The following NUBP2 variants were observed in gnomAD, a reference collection of about 807,000 sequenced individuals.
The protein encoded by NUBP2 is cytosolic Fe-S cluster assembly factor NUBP2.
A neutral mutation model predicts 24.9 loss-of-function variants in NUBP2; 23 were observed. The observed-to-expected ratio is 0.92, with a 90% CI of 0.66 to 1.31. NUBP2 has a LOEUF of 1.31. Among genes scored for constraint, NUBP2 ranks in the 50% most tolerant of loss-of-function variants. The pLI is 0.00. For synonymous variants in NUBP2, 186 were observed against 170.9 expected, an observed-to-expected ratio of 1.09 and a Z score of -0.69; for missense variants, 403 against 386.5, an observed-to-expected ratio of 1.04 and a Z score of -0.36.
At chr16:1,788,432 C>G (rs937890030) in intron 6 of NUBP2, 137 bp from the exon 7 acceptor site, 88 of 1,324,100 alleles carry the variant, frequency 6.6e-5, no homozygotes, top group Admixed American at 8.7e-5. Context: ...GGGAGGGCCG[C>G]GGGTCTGGAG....
intron 1 of NUBP2, chr16:1,786,205 G>C (rs541114162): frequency 2.2e-4 from 81 of 374,922 alleles, no homozygotes; most frequent in African/African-American, 1.5e-3. Context: ...ATGATCATGT[G>C]ACCCACGTGT....
intron 1 of NUBP2, chr16:1,785,704 C>T (rs1362041446): frequency 9.3e-6 from 12 of 1,288,950 alleles, no homozygotes; most frequent in African/African-American, 1.5e-5. Flanking sequence ...CTCTGTAGGT[C>T]TGAGGACCCG....
rs1200157798 is a variant in NUBP2, at chr16:1,788,047, G to A, written c.596G>A (p.Cys199Tyr). The A allele has an allele frequency of 5.7e-6, 9 of 1,589,948 alleles. No homozygotes were observed. Among genetic ancestry groups the A allele is most frequent in the Non-Finnish European group, 7.7e-6 (9 of 1,170,870 alleles). Residue 199 changes from cysteine to tyrosine, a missense_variant, in exon 5 of 7, where the codon TGC becomes TAC. Physicochemically the swap from Cys to Tyr is radical, Grantham distance 194 (BLOSUM62 -2). Coordinates refer to ENST00000262302, the MANE Select transcript of NUBP2 (RefSeq NM_012225.4). ...ENMSGFTCPH[C>Y]TECTSVFSRG... Reference sequence around the variant, plus strand: ...ATGAGCGGCTTCACCTGCCCACACTGCACGGTGAGTCCCGGGGGTTGCAGA... The same window carrying A: ...ATGAGCGGCTTCACCTGCCCACACTACACGGTGAGTCCCGGGGGTTGCAGA...
intron 1 of NUBP2, chr16:1,785,586 T>A: frequency 8.0e-7 from 1 of 1,252,542 alleles, no homozygotes; most frequent in Non-Finnish European, 1.0e-6. Flanking sequence ...GAACCCCTTT[T>A]ATTGCCCCAG....
rs377685211 is a variant in NUBP2 at position 1,786,154 on chromosome 16, A to C, written c.17-383A>C. The C allele has an allele frequency of 3.2e-3, 715 of 225,814 alleles. 8 individuals carry two copies. The African/African-American group carries it at 0.058, about 18-fold the overall frequency. The allele number at this position is 225,814 out of a possible 1,614,324, so 14.0% of individuals were successfully genotyped here. A position where few individuals can be genotyped will look rare whatever the true frequency, so the allele number is the denominator to read the frequency against. ...GGTGCACTGGCTGGGGAAAGAGTGG[A>C]GTCTGGTTCCCGTTAGAAATAGCAG... On this transcript the variant is annotated intron_variant, in intron 1 of 6. Coordinates refer to ENST00000262302, the MANE Select transcript of NUBP2 (RefSeq NM_012225.4).
Position 1,786,920 on chromosome 16 carries a change from A to T in NUBP2, c.299A>T (p.Asp100Val). 1 of 1,542,022 alleles carries T rather than the reference A, an allele frequency of 6.5e-7. No homozygotes were observed. Among genetic ancestry groups the T allele is most frequent in the Non-Finnish European group, 8.8e-7 (1 of 1,139,504 alleles). ...GTGGGCTTCCTGCTGGAGAAGCCGG[A>T]CGAGGCCGTGGTGTGGAGAGGCCCC... ...MSVGFLLEKP[D>V]EAVVWRGPKK... Residue 100 changes from aspartate to valine, a missense_variant, in exon 3 of 7, where the codon GAC (aspartate) becomes GTC (valine). By Grantham distance (152) the Asp-to-Val change is radical (BLOSUM62 -3). Coordinates refer to ENST00000262302, the MANE Select transcript of NUBP2 (RefSeq NM_012225.4).
At position 1,782,994 on chromosome 16, in the gene NUBP2, C is replaced by T. The variant is rs1285241576; in HGVS notation, c.-27C>T. On this transcript the variant is annotated 5_prime_UTR_variant, in exon 1 of 7. Coordinates refer to ENST00000262302, the MANE Select transcript of NUBP2 (RefSeq NM_012225.4). ...ACGGCCCGCGGGCGTAAGCGGACTG[C>T]AGCCGCGAGCTCCTGGAGGCGGCGG... 1.4e-5 allele frequency: 20 copies of T among 1,399,942 alleles called. No individual in the cohort carries two copies. Among genetic ancestry groups the T allele is most frequent in the Admixed American group, 1.2e-4 (4 of 33,052 alleles). The allele number at this position is 1,399,942 out of a possible 1,614,324, so 86.7% of individuals were successfully genotyped here. A position where few individuals can be genotyped will look rare whatever the true frequency, so the allele number is the denominator to read the frequency against.
chr16:1,788,036 C>A lies in NUBP2; in HGVS notation c.585C>A (p.Thr195=), dbSNP rs2272977. 8 of 1,593,758 alleles carry A rather than the reference C, an allele frequency of 5.0e-6. No individual in the cohort carries two copies. The highest frequency in any genetic ancestry group is 6.8e-6 in the Non-Finnish European group (8 of 1,173,072). ...MGIVENMSGF[T]CPHCTECTSV... Reference sequence around the variant, plus strand: ...TCGTGGAGAATATGAGCGGCTTCACCTGCCCACACTGCACGGTGAGTCCCG... The same window carrying A: ...TCGTGGAGAATATGAGCGGCTTCACATGCCCACACTGCACGGTGAGTCCCG... The change falls in exon 5 of 7, where the codon ACC becomes ACA. Residue 195 remains threonine, a synonymous_variant. Transcript: ENST00000262302.
chr16:1,787,681 G>T lies in NUBP2; in HGVS notation c.339G>T (p.Leu113=). 6.2e-7 allele frequency: 1 copy of T among 1,612,440 alleles called. No individual in the cohort carries two copies. The highest frequency in any genetic ancestry group is 1.1e-5 in the South Asian group (1 of 91,086). ...CCGTCTGCCCCGTCTTTGCAGCGCT[G>T]ATAAAGCAGTTTGTGTCCGACGTGG... ...VVWRGPKKNA[L]IKQFVSDVAW... Residue 113 remains leucine, a synonymous_variant, in exon 4 of 7, where the codon CTG becomes CTT. Coordinates refer to ENST00000262302, the MANE Select transcript of NUBP2 (RefSeq NM_012225.4).
chr16:1,788,164 C>T lies in NUBP2; in HGVS notation c.627C>T (p.Gly209=), dbSNP rs144017600. 4.8e-5 allele frequency: 74 copies of T among 1,536,674 alleles called. No individual in the cohort carries two copies. Among genetic ancestry groups the T allele is most frequent in the Middle Eastern group, 3.5e-4 (2 of 5,784 alleles). ...AGTGCACCAGCGTCTTCTCCAGGGG[C>T]GGCGGAGAGGAGCTGGCCCAGCTCG... ...CTECTSVFSR[G]GGEELAQLAG... Residue 209 remains glycine, a synonymous_variant, in exon 6 of 7, where the codon GGC becomes GGT. Coordinates refer to ENST00000262302, the MANE Select transcript of NUBP2 (RefSeq NM_012225.4).
At chr16:1,785,780 G>C (rs1198973232) in intron 1 of NUBP2, 1 of 1,289,166 alleles carries the variant, frequency 7.8e-7, no homozygotes. Flanking sequence ...TTGAGAGGCG[G>C]ATCAGAAGGG....
intron 1 of NUBP2, among the ~76,000 whole-genome samples, chr16:1,784,274 A>C (rs901176308): frequency 3.7e-4 from 56 of 151,952 alleles, no homozygotes; most frequent in Non-Finnish European, 7.8e-4. Context: ...ATGTGTAGAC[A>C]TGGGGTCTGA....
intron 3 of NUBP2, chr16:1,787,323 G>A (rs1897022276): frequency 4.7e-6 from 2 of 425,956 alleles, no homozygotes; most frequent in Non-Finnish European, 8.5e-6. Context: ...TGAGGCGCAG[G>A]CTGTGGGTGC....
At chr16:1,788,493 C>T (rs1032977652) in intron 6 of NUBP2, 76 bp from the exon 7 acceptor site, 15 of 1,480,720 alleles carry the variant, frequency 1.0e-5, no homozygotes, top group Middle Eastern at 2.3e-4. Context: ...ACGGGTGGTT[C>T]GGGTGCGTCC....
intron 1 of NUBP2, 152 bp downstream of exon 1, chr16:1,783,188 C>A (rs1031600250): frequency 9.3e-6 from 11 of 1,176,572 alleles, no homozygotes; most frequent in African/African-American, 1.6e-5. Flanking sequence ...GCGGCGCGGG[C>A]ATTTTCTAAA....
At position 1,788,867 on chromosome 16, in the gene NUBP2, G is replaced by A. The variant is rs1897126940; in HGVS notation, c.*153G>A. 1.0e-6 allele frequency: 1 copy of A among 1,002,148 alleles called. No homozygotes were observed. Among genetic ancestry groups the A allele is most frequent in the South Asian group, 1.9e-5 (1 of 53,754 alleles). The allele number at this position is 1,002,148 out of a possible 1,614,324, so 62.1% of individuals were successfully genotyped here. A position where few individuals can be genotyped will look rare whatever the true frequency, so the allele number is the denominator to read the frequency against. ...CTTCTCCCCGACCAGCCCAGCCCCA[G>A]GATGTGTCGCACCAGCAGCTCTGCC... On this transcript the variant is annotated 3_prime_UTR_variant, in exon 7 of 7. Transcript: ENST00000262302.
chr16:1,787,889 G>C (rs1416947952), intron 4 of NUBP2, 52 bp from the exon 5 acceptor site: 1 of 1,600,864 alleles, frequency 6.2e-7, no homozygotes, highest in Non-Finnish European at 8.5e-7. Flanking sequence ...GGCTGGGCGG[G>C]TGTCCCTGCT....
rs768844018 is a variant in NUBP2, at chr16:1,788,162, GGC to G, written c.627_628del (p.Gly210ArgfsTer162). ...CTECTSVFSRGGGEELAQLAG... is the reference protein window; with the variant it reads ...CTECTSVFSRXGGEELAQLAG... ...GGAGTGCACCAGCGTCTTCTCCAGG[GGC>G]GGCGGAGAGGAGCTGGCCCAGCTCG... is the stretch of plus-strand genomic sequence containing the variant. On this transcript the variant is annotated frameshift_variant, in exon 6 of 7. Transcript: ENST00000262302. LOFTEE classifies it low-confidence loss of function (END_TRUNC). 6.5e-7 allele frequency: 1 copy of G among 1,539,398 alleles called. No homozygotes were observed. Among genetic ancestry groups the G allele is most frequent in the East Asian group, 2.3e-5 (1 of 43,142 alleles).
chr16:1,783,159 C>T, intron 1 of NUBP2, 123 bp downstream of exon 1: 1 of 1,193,848 alleles, frequency 8.4e-7, no homozygotes, highest in Non-Finnish European at 1.0e-6. Flanking sequence ...GCCGGCGTGG[C>T]TGGGCCGGGC....
Sources: allele counts gnomAD v4.1 joint callset (sites outside exome capture counted in the v4.1 genomes callset), GRCh38; gene constraint gnomAD v4.1.1; transcripts MANE v1.5; gene names NCBI Gene and HGNC (gene_info 2026-07-23, HGNC 2026-07-21).